PCBP3: variants seen among roughly 807,000 people sequenced by gnomAD.
PCBP3 encodes poly(rC)-binding protein 3.
PCBP3 carries 25 observed loss-of-function variants against 52.7 expected under a neutral mutation model. The observed-to-expected ratio is 0.47, with a 90% CI of 0.35 to 0.66. The LOEUF (loss-of-function observed/expected upper bound fraction) is 0.66. Ranked by LOEUF, PCBP3 falls within the 30% of genes least tolerant of loss-of-function variation. The pLI is 0.01. For missense variants in PCBP3, 391 were observed against 490.3 expected, an observed-to-expected ratio of 0.80 and a Z score of 1.91; for synonymous variants, 162 against 183.0, an observed-to-expected ratio of 0.89 and a Z score of 0.93.
intron 2 of PCBP3, among the ~76,000 whole-genome samples, chr21:45,715,857 T>A (rs936566652): frequency 2.0e-5 from 3 of 152,204 alleles, no homozygotes; most frequent in Non-Finnish European, 4.4e-5. Flanking sequence ...TTCTAGGAAT[T>A]CTTTTTTATA....
chr21:45,911,188 G>A (rs554512930), intron 11 of PCBP3, 158 bp downstream of exon 11: 119 of 805,348 alleles, frequency 1.5e-4, no homozygotes, highest in Non-Finnish European at 2.0e-4. Context: ...GAGCGGTGCC[G>A]GTATGGGCGC....
At chr21:45,840,657 A>T (rs960455409) in intron 4 of PCBP3, among the ~76,000 whole-genome samples, 1 of 152,064 alleles carries the variant, frequency 6.6e-6, no homozygotes, top group African/African-American at 2.4e-5. Flanking sequence ...CTCCATTCAT[A>T]ATAAGTGCCC....
chr21:45,886,901 C>T (rs1251286259), intron 5 of PCBP3, among the ~76,000 whole-genome samples: 5 of 152,200 alleles, frequency 3.3e-5, no homozygotes, highest in South Asian at 4.1e-4. Context: ...CTGGTGAGGG[C>T]GGAGGTCTAG....
intron 1 of PCBP3, among the ~76,000 whole-genome samples, chr21:45,651,668 CTCA>C (rs1170453115): frequency 6.6e-6 from 1 of 152,200 alleles, no homozygotes; most frequent in Admixed American, 6.5e-5. Flanking sequence ...CTTTAAAATA[CTCA>C]TCATGATAAA....
chr21:45,851,129 A>T (rs1330233508), intron 5 of PCBP3, among the ~76,000 whole-genome samples: 3 of 152,246 alleles, frequency 2.0e-5, no homozygotes, highest in Non-Finnish European at 4.4e-5. Flanking sequence ...ATAAGGCAGA[A>T]ATCAGTGAAA....
rs1298299104 is a variant in PCBP3, at chr21:45,735,897, G to A, written c.-162+468G>A. Among the ~76,000 whole-genome samples the A allele has an allele frequency of 6.6e-6, 1 of 152,342 alleles. No individual in the cohort carries two copies. The highest frequency in any genetic ancestry group is 3.4e-3 in the Middle Eastern group (1 of 294). On this transcript the variant is annotated intron_variant, in intron 3 of 17. Coordinates refer to ENST00000681687, the MANE Select transcript of PCBP3 (RefSeq NM_001384156.1). This position sits in a 1 kb window ranked among gnomAD's most constrained non-coding sequence, Gnocchi z 4.0. The stretch of plus-strand genomic sequence containing the variant: ...CAATGTCTGAAGCCACACAGTGCAT[G>A]GGTGACATCTGTGGAAAGGACCTGG...
Position 45,805,409 on chromosome 21 carries a change from G to A in PCBP3, c.-125-44552G>A, listed in dbSNP as rs1603436169. On this transcript the variant is annotated intron_variant, in intron 4 of 17. Transcript: ENST00000681687. The surrounding 1 kb of genome is among the most constrained non-coding windows in gnomAD (Gnocchi z 4.6). ...CCCTTGCCCACCTGCCCTGTGTGCTGGGCCGTGCGGAGGTGGCCATGGGCA... is the reference window on the plus strand; with the variant it reads ...CCCTTGCCCACCTGCCCTGTGTGCTAGGCCGTGCGGAGGTGGCCATGGGCA... Among the ~76,000 whole-genome samples the A allele has an allele frequency of 6.6e-6, 1 of 152,058 alleles. No individual in the cohort carries two copies. The highest frequency in any genetic ancestry group is 1.5e-5 in the Non-Finnish European group (1 of 68,000).
rs2094138142 is a variant in PCBP3, at chr21:45,853,579, C to A, written c.10+3484C>A. Among the ~76,000 whole-genome samples the A allele has an allele frequency of 6.6e-6, 1 of 152,176 alleles. No individual in the cohort carries two copies. Among genetic ancestry groups the A allele is most frequent in the African/African-American group, 2.4e-5 (1 of 41,446 alleles). ...AGGTTTCCATTGGTTACTTGGTGTACACCCCTGTGAATGGAGAGGGTGTTC... is the reference window on the plus strand; with the variant it reads ...AGGTTTCCATTGGTTACTTGGTGTAAACCCCTGTGAATGGAGAGGGTGTTC... On this transcript the variant is annotated intron_variant, in intron 5 of 17. Transcript: ENST00000681687. This position sits in a 1 kb window ranked among gnomAD's most constrained non-coding sequence, Gnocchi z 4.6.
At chr21:45,664,367 A>C (rs1238966317) in intron 1 of PCBP3, among the ~76,000 whole-genome samples, 1 of 149,612 alleles carries the variant, frequency 6.7e-6, no homozygotes, top group Non-Finnish European at 1.5e-5. Context: ...AATATCCTTC[A>C]AAACTGAAGG....
At chr21:45,714,638 C>A (rs1297246437) in intron 2 of PCBP3, among the ~76,000 whole-genome samples, 1 of 151,998 alleles carries the variant, frequency 6.6e-6, no homozygotes, top group East Asian at 1.9e-4. Context: ...ATTGAAGAAG[C>A]CAGAAAGGAT....
intron 1 of PCBP3, 120 bp downstream of exon 1, chr21:45,643,988 C>G (rs1047083457): frequency 8.1e-4 from 121 of 148,798 alleles, no homozygotes; most frequent in African/African-American, 2.9e-3. Context: ...TCGCCCGAGC[C>G]GGGGCGGGCG....
chr21:45,847,360 T>C (rs1431787450), intron 4 of PCBP3, among the ~76,000 whole-genome samples: 3 of 152,246 alleles, frequency 2.0e-5, no homozygotes, highest in South Asian at 2.1e-4. Context: ...AACAGCATGC[T>C]TCCCGATAAG....
intron 5 of PCBP3, among the ~76,000 whole-genome samples, chr21:45,884,498 C>A (rs2095473359): frequency 6.6e-6 from 1 of 152,110 alleles, no homozygotes; most frequent in South Asian, 2.1e-4. Flanking sequence ...TATACATACA[C>A]ATATATAACA....
Position 45,704,444 on chromosome 21 carries a change from C to T in PCBP3, c.-199-30948C>T, listed in dbSNP as rs575072673. 3.1e-4 allele frequency among the ~76,000 whole-genome samples: 47 copies of T among 152,330 alleles called. No individual in the cohort carries two copies. The East Asian group carries it at 7.1e-3, about 23-fold the overall frequency. On this transcript the variant is annotated intron_variant, in intron 2 of 17. Coordinates refer to ENST00000681687, the MANE Select transcript of PCBP3 (RefSeq NM_001384156.1). The surrounding 1 kb of genome is among the most constrained non-coding windows in gnomAD (Gnocchi z 4.1). ...TCCTCTGTTGCTGTGGTCTGCGGGCCAGCTGCAGACTGGGAGGCCGCAGCG... is the reference window on the plus strand; with the variant it reads ...TCCTCTGTTGCTGTGGTCTGCGGGCTAGCTGCAGACTGGGAGGCCGCAGCG...
chr21:45,819,875 A>G (rs1172457283), intron 4 of PCBP3, among the ~76,000 whole-genome samples: 1 of 152,210 alleles, frequency 6.6e-6, no homozygotes, highest in East Asian at 1.9e-4. Flanking sequence ...TTGTGGGTCC[A>G]TGATGGTGTC....
intron 3 of PCBP3, chr21:45,750,603 TACC>T (rs2146309632): frequency 6.6e-6 from 1 of 152,428 alleles, no homozygotes; most frequent in Admixed American, 6.5e-5. Flanking sequence ...CTCTTCCTGC[TACC>T]CTCTGCCTCA....
rs1008961378 is a variant in PCBP3, at chr21:45,837,456, G to A, written c.-125-12505G>A. On this transcript the variant is annotated intron_variant, in intron 4 of 17. Coordinates refer to ENST00000681687, the MANE Select transcript of PCBP3 (RefSeq NM_001384156.1). The surrounding 1 kb of genome is among the most constrained non-coding windows in gnomAD (Gnocchi z 4.1). Reference sequence around the variant, plus strand: ...GCCTAGGGATGGCGCTGTGAGAACAGGCCACGGCGCCCTAGCTTCAGGTTA... The same window carrying A: ...GCCTAGGGATGGCGCTGTGAGAACAAGCCACGGCGCCCTAGCTTCAGGTTA... Among the ~76,000 whole-genome samples the A allele has an allele frequency of 6.6e-6, 1 of 152,230 alleles. No homozygotes were observed. Among genetic ancestry groups the A allele is most frequent in the Non-Finnish European group, 1.5e-5 (1 of 68,048 alleles).
rs977076516 is a variant in PCBP3 at position 45,741,713 on chromosome 21, A to G, written c.-162+6284A>G. ...TTATATGGCAAATATTATTTTATAA[A>G]AAATTGATGAACCTCAGGCCCTGAG... On this transcript the variant is annotated intron_variant, in intron 3 of 17. Transcript: ENST00000681687. The surrounding 1 kb of genome is among the most constrained non-coding windows in gnomAD (Gnocchi z 4.5). Among the ~76,000 whole-genome samples the G allele has an allele frequency of 3.9e-5, 6 of 152,206 alleles. No individual in the cohort carries two copies. Among genetic ancestry groups the G allele is most frequent in the Non-Finnish European group, 5.9e-5 (4 of 68,032 alleles).
At chr21:45,767,940 T>G (rs537496978) in intron 4 of PCBP3, among the ~76,000 whole-genome samples, 1 of 152,262 alleles carries the variant, frequency 6.6e-6, no homozygotes, top group African/African-American at 2.4e-5. Context: ...TGCTGTTGTT[T>G]AGTGAACTCT....
Sources: gnomAD v4.1 joint callset for allele counts (sites outside exome capture counted in the v4.1 genomes callset) on GRCh38, gnomAD v4.1.1 for gene constraint, Gnocchi (gnomAD v3.1) non-coding constraint, MANE v1.5 for transcripts, NCBI Gene and HGNC (gene_info 2026-07-23, HGNC 2026-07-21) for gene names.